The following SLC30A6 variants were observed in gnomAD, a reference collection of about 807,000 sequenced individuals.
The protein encoded by SLC30A6 is solute carrier family 30 member 6, also known as zinc transporter 6.
A neutral mutation model predicts 63.0 loss-of-function variants in SLC30A6; 55 were observed. That is an observed-to-expected ratio of 0.87 (90% CI 0.70 to 1.09). The LOEUF (loss-of-function observed/expected upper bound fraction) is 1.09. Ranked by LOEUF, SLC30A6 falls within the 50% of genes least tolerant of loss-of-function variation. The pLI, the probability that SLC30A6 is intolerant of heterozygous loss-of-function variation, is 0.00. For synonymous variants in SLC30A6, 224 were observed against 186.1 expected (o/e 1.20, Z -1.66); for missense variants, 587 against 549.2 (o/e 1.07, Z -0.69).
intron 10 of SLC30A6, chr2:32,202,884 G>T: frequency 1.0e-6 from 1 of 954,306 alleles, no homozygotes; most frequent in South Asian, 1.3e-5. Flanking sequence ...TGCAGCTTCT[G>T]TGGAACATTT....
intron 1 of SLC30A6, among the ~76,000 whole-genome samples, chr2:32,170,105 A>C (rs543890235): frequency 2.6e-5 from 4 of 152,204 alleles, no homozygotes; most frequent in African/African-American, 9.6e-5. Context: ...TAGTAAAATC[A>C]ATCAATTTTT....
At chr2:32,178,168 C>T (rs1681953700) in intron 4 of SLC30A6, among the ~76,000 whole-genome samples, 1 of 151,686 alleles carries the variant, frequency 6.6e-6, no homozygotes, top group African/African-American at 2.4e-5. Flanking sequence ...AGGATGGTCT[C>T]AATCTCCTGA....
chr2:32,186,989 C>T (rs574612555), intron 5 of SLC30A6, among the ~76,000 whole-genome samples: 1 of 129,234 alleles, frequency 7.7e-6, no homozygotes, highest in South Asian at 2.4e-4. Context: ...GAGCTAGACG[C>T]TGTCTCCAAA....
At chr2:32,201,276 G>T (rs1684268988) in intron 10 of SLC30A6, among the ~76,000 whole-genome samples, 1 of 152,124 alleles carries the variant, frequency 6.6e-6, no homozygotes, top group African/African-American at 2.4e-5. Context: ...TGTAATTATT[G>T]GCATTTTGGT....
Position 32,222,965 on chromosome 2 carries a change from A to G in SLC30A6, c.*2252A>G, listed in dbSNP as rs145982750. 1 of 152,224 alleles carries G rather than the reference A, an allele frequency of 6.6e-6. No individual in the cohort carries two copies. The highest frequency in any genetic ancestry group is 2.4e-5 in the African/African-American group (1 of 41,456). 9.4% of individuals were successfully genotyped at this position (152,224 alleles called of 1,614,324 possible). On this transcript the variant is annotated 3_prime_UTR_variant, in exon 14 of 14. Coordinates refer to ENST00000282587, the MANE Select transcript of SLC30A6 (RefSeq NM_017964.5). Reference sequence around the variant, plus strand: ...TTTTATGCCTACTTCCTCAACACCAATTCAGAGGCAACACCTGTGCATCTG... The same window carrying G: ...TTTTATGCCTACTTCCTCAACACCAGTTCAGAGGCAACACCTGTGCATCTG...
rs1030586642 is a variant in SLC30A6, at chr2:32,193,358, T to C, written c.401+405T>C. Reference sequence around the variant, plus strand: ...GGGAGGCTAAGGCAGGAGGATCGCTTGAGTTCAGGAGTTCAAGACCAACCT... The same window carrying C: ...GGGAGGCTAAGGCAGGAGGATCGCTCGAGTTCAGGAGTTCAAGACCAACCT... On this transcript the variant is annotated intron_variant, in intron 7 of 13. Transcript: ENST00000282587. Among the ~76,000 whole-genome samples, 3 of 152,072 alleles carry C rather than the reference T, an allele frequency of 2.0e-5. No homozygotes were observed. The South Asian group carries it at 6.2e-4, about 32-fold the overall frequency.
intron 4 of SLC30A6, among the ~76,000 whole-genome samples, chr2:32,183,939 C>T (rs1035112120): frequency 2.0e-5 from 3 of 152,046 alleles, no homozygotes; most frequent in African/African-American, 7.2e-5. Flanking sequence ...CATTTTTTAG[C>T]ATTTTCAGTT....
intron 4 of SLC30A6, among the ~76,000 whole-genome samples, chr2:32,179,267 G>A (rs961790842): frequency 6.6e-6 from 1 of 152,084 alleles, no homozygotes; most frequent in African/African-American, 2.4e-5. Context: ...AACCTTAAAC[G>A]TAGCAGTTCC....
In SLC30A6 at chr2:32,171,221, CA is replaced by C. The variant is rs1406821231; in HGVS notation, c.4-65del. The C allele has an allele frequency of 3.0e-6, 4 of 1,328,702 alleles. No homozygotes were observed. In the African/African-American group the frequency reaches 5.8e-5, roughly 19 times the overall value. The allele number at this position is 1,328,702 out of a possible 1,614,324, so 82.3% of individuals were successfully genotyped here. On this transcript the variant is annotated intron_variant, in intron 1 of 13. Transcript: ENST00000282587. Reference sequence around the variant, plus strand: ...ATTTATATCATAGGAACCACTATATCATATCATAGGAACTCTGAAGATGATT... The same window carrying C: ...ATTTATATCATAGGAACCACTATATCTATCATAGGAACTCTGAAGATGATT...
chr2:32,202,138 A>G (rs1684344840), intron 10 of SLC30A6: 1 of 742,738 alleles, frequency 1.3e-6, no homozygotes, highest in Admixed American at 2.5e-5. Context: ...CAATCTTCCT[A>G]TTTCTGAAGA....
Position 32,192,395 on chromosome 2 carries a change from C to T in SLC30A6, c.344C>T (p.Ala115Val). 1.2e-6 allele frequency: 2 copies of T among 1,613,808 alleles called. No homozygotes were observed. The highest frequency in any genetic ancestry group is 1.7e-6 in the Non-Finnish European group (2 of 1,179,814). The change falls in exon 6 of 14, where the codon GCT becomes GTT. Residue 115 changes from alanine (A) to valine (V), a missense_variant. By Grantham distance (64) the Ala-to-Val change is moderately conservative (BLOSUM62 0). Coordinates refer to ENST00000282587, the MANE Select transcript of SLC30A6 (RefSeq NM_017964.5). ...FASTVLAQLG[A>V]LFILKESAER... The stretch of plus-strand genomic sequence containing the variant: ...TCCACAGTCTTGGCACAGTTGGGAG[C>T]TCTCTTTATATTAAAAGAAAGGTAC...
intron 4 of SLC30A6, among the ~76,000 whole-genome samples, chr2:32,179,976 C>T (rs1007737121): frequency 1.3e-5 from 2 of 152,040 alleles, no homozygotes; most frequent in African/African-American, 2.4e-5. Context: ...AATATGTTAC[C>T]GCCAAGAGTG....
At chr2:32,176,353 G>GT (rs989348965) in intron 4 of SLC30A6, among the ~76,000 whole-genome samples, 4 of 152,072 alleles carry the variant, frequency 2.6e-5, no homozygotes, top group African/African-American at 7.2e-5. Flanking sequence ...GTGCTCTTTT[G>GT]TTTTTTTAAA....
At chr2:32,192,291 T>C in intron 5 of SLC30A6, 45 bp from the exon 6 acceptor site, 1 of 1,558,730 alleles carries the variant, frequency 6.4e-7, no homozygotes, top group Non-Finnish European at 8.9e-7. Flanking sequence ...GACTGGTTTG[T>C]GAATTGAAAG....
chr2:32,209,697 C>T, intron 13 of SLC30A6, 136 bp downstream of exon 13: 1 of 705,580 alleles, frequency 1.4e-6, no homozygotes, highest in Non-Finnish European at 2.3e-6. Flanking sequence ...CTAAAATGTA[C>T]ATGAATTCAA....
chr2:32,173,936 GAC>G lies in SLC30A6; in HGVS notation c.91-123_91-122del. 7 of 605,206 alleles carry G rather than the reference GAC, an allele frequency of 1.2e-5. No individual in the cohort carries two copies. In the South Asian group the frequency reaches 2.0e-4, roughly 17 times the overall value. The allele number at this position is 605,206 out of a possible 1,614,324, so 37.5% of individuals were successfully genotyped here. On this transcript the variant is annotated intron_variant, in intron 2 of 13. Coordinates refer to ENST00000282587, the MANE Select transcript of SLC30A6 (RefSeq NM_017964.5). ...CAATTTTGGTAGATGTAGAAAGTGT[GAC>G]ACAGACTTTTTGAAGGAAGTTATGT...
At chr2:32,202,892 T>C (rs1383208405) in intron 10 of SLC30A6, 101 of 995,804 alleles carry the variant, frequency 1.0e-4, no homozygotes, top group South Asian at 2.5e-5. Flanking sequence ...CTGTGGAACA[T>C]TTGGCCATCC....
At chr2:32,193,853 C>T in intron 7 of SLC30A6, 36 bp from the exon 8 acceptor site, 1 of 1,541,694 alleles carries the variant, frequency 6.5e-7, no homozygotes, top group Non-Finnish European at 9.0e-7. Context: ...ATACCAAGAA[C>T]AAATTAAAGG....
intron 13 of SLC30A6, among the ~76,000 whole-genome samples, chr2:32,209,818 A>G (rs1685098769): frequency 6.6e-6 from 1 of 152,096 alleles, no homozygotes; most frequent in Non-Finnish European, 1.5e-5. Flanking sequence ...TCTCCCAAAC[A>G]ATAGAGGAAT....
Sources: gnomAD v4.1 joint callset for allele counts (sites outside exome capture counted in the v4.1 genomes callset) on GRCh38, gnomAD v4.1.1 for gene constraint, MANE v1.5 for transcripts, NCBI Gene and HGNC (gene_info 2026-07-23, HGNC 2026-07-21) for gene names.